The following PHC2 variants were observed in gnomAD, a reference collection of about 807,000 sequenced individuals.
PHC2 encodes the protein polyhomeotic homolog 2.
In PHC2, 29 loss-of-function variants were observed where a neutral mutation model predicts 87.4. That is an observed-to-expected ratio of 0.33 (90% confidence interval 0.25 to 0.45). The LOEUF is 0.45. PHC2 is among the 20% of genes least tolerant of loss of function. PHC2 has a pLI of 1.00. For synonymous variants in PHC2, 438 were observed against 461.7 expected (o/e 0.95, Z 0.66); for missense variants, 857 against 1,136.7 (o/e 0.75, Z 3.54).
At chr1:33,355,405 C>T in intron 7 of PHC2, 152 bp from the exon 8 acceptor site, 1 of 689,094 alleles carries the variant, frequency 1.5e-6, no homozygotes, top group Non-Finnish European at 2.4e-6. Context: ...CTGAGCCTGG[C>T]CTGCTCATTG....
At chr1:33,367,091 G>A (rs369801926) in intron 7 of PHC2, 25 bp downstream of exon 7, 535 of 1,570,782 alleles carry the variant, frequency 3.4e-4, no homozygotes, top group Non-Finnish European at 4.4e-4. Flanking sequence ...TCTGGGAAAG[G>A]ATTCCTGCTT....
intron 9 of PHC2, among the ~76,000 whole-genome samples, chr1:33,343,422 A>G (rs1646784759): frequency 7.6e-6 from 1 of 131,368 alleles, no homozygotes; most frequent in African/African-American, 2.7e-5. Context: ...GTGAGCCGAG[A>G]TTGCACCACT....
chr1:33,370,463 G>C lies in PHC2; in HGVS notation c.534C>G (p.Ala178=), dbSNP rs776576005. ...ACATCTGTGCTTGGCTTGCAGTCAGGGCTGGGGAAGACGTGTTGCCCAAGA... is the reference window on the plus strand; with the variant it reads ...ACATCTGTGCTTGGCTTGCAGTCAGCGCTGGGGAAGACGTGTTGCCCAAGA... The part of the protein sequence containing the change: ...AVLLGNTSSP[A]LTASQAQMYL... Residue 178 remains alanine (A), a synonymous_variant, in exon 5 of 15, where the codon GCC becomes GCG. Coordinates refer to ENST00000683057, the MANE Select transcript of PHC2 (RefSeq NM_001385109.1). 1.5e-5 allele frequency: 25 copies of C among 1,613,984 alleles called. No individual in the cohort carries two copies. The highest frequency in any genetic ancestry group is 3.4e-6 in the Non-Finnish European group (4 of 1,180,012).
intron 1 of PHC2, among the ~76,000 whole-genome samples, chr1:33,391,554 G>T (rs1649053309): frequency 6.6e-6 from 1 of 151,782 alleles, no homozygotes; most frequent in Non-Finnish European, 1.5e-5. Context: ...TTGGTTATTG[G>T]CACATACTCT....
chr1:33,408,002 G>C (rs1175348724), intron 1 of PHC2, among the ~76,000 whole-genome samples: 1 of 152,194 alleles, frequency 6.6e-6, no homozygotes, highest in African/African-American at 2.4e-5. Flanking sequence ...AAGAGGCTTT[G>C]AATGGTGAGT....
rs1646332034 is a variant in PHC2, at chr1:33,324,643, A to G, written c.*222T>C. On this transcript the variant is annotated 3_prime_UTR_variant, in exon 15 of 15. Coordinates refer to ENST00000683057, the MANE Select transcript of PHC2 (RefSeq NM_001385109.1). Reference sequence around the variant, plus strand: ...CAGTGCTATCAATATTTACAAGCATAAAGCCCCATCTTCTGTGCCACCTAC... The same window carrying G: ...CAGTGCTATCAATATTTACAAGCATGAAGCCCCATCTTCTGTGCCACCTAC... 1.1e-5 allele frequency: 5 copies of G among 470,542 alleles called. No homozygotes were observed. The highest frequency in any genetic ancestry group is 2.0e-5 in the African/African-American group (1 of 51,050). The allele number at this position is 470,542 out of a possible 1,614,324, so 29.1% of individuals were successfully genotyped here.
chr1:33,372,314 A>T lies in PHC2; in HGVS notation c.308T>A (p.Leu103His). The change falls in exon 3 of 15, where the codon CTC (leucine) becomes CAC (histidine). Residue 103 changes from leucine to histidine, a missense_variant. By Grantham distance (99) the Leu-to-His change is moderately conservative (BLOSUM62 -3). Transcript: ENST00000683057. ...CTGCTGTACGGCTGCCAGGCTCTGG[A>T]GCTGGGCGCTGCTGAGGTGCTGCTG... The part of the protein sequence containing the change: ...LQQQHLSSAQ[L>H]QSLAAVQQAS... 6.3e-7 allele frequency: 1 copy of T among 1,588,100 alleles called. No individual in the cohort carries two copies. The highest frequency in any genetic ancestry group is 2.3e-5 in the East Asian group (1 of 43,816).
At position 33,353,794 on chromosome 1, in the gene PHC2, C is replaced by T. The variant is rs548976194; in HGVS notation, c.1558+607G>A. On this transcript the variant is annotated intron_variant, in intron 9 of 14. Coordinates refer to ENST00000683057, the MANE Select transcript of PHC2 (RefSeq NM_001385109.1). ...GAAGCAAATAGATCTTTGCAGAAGG[C>T]GGAGGTACTGCTGTGCCTCTCCCAT... Among the ~76,000 whole-genome samples the T allele has an allele frequency of 4.6e-5, 7 of 152,246 alleles. No individual in the cohort carries two copies. The South Asian group carries it at 8.3e-4, about 18-fold the overall frequency.
chr1:33,355,256 G>C lies in PHC2; in HGVS notation c.977-3C>G. On this transcript the variant is annotated splice_polypyrimidine_tract_variant and splice_region_variant and intron_variant, in intron 7 of 14. Coordinates refer to ENST00000683057, the MANE Select transcript of PHC2 (RefSeq NM_001385109.1). ...GTGTGGCTGCAGCTGAGCATAGGCT[G>C]AAAGGGGAAAGGCCAGGTTAGAGAG... 8 of 1,558,830 alleles carry C rather than the reference G, an allele frequency of 5.1e-6. No homozygotes were observed. Among genetic ancestry groups the C allele is most frequent in the Non-Finnish European group, 7.0e-6 (8 of 1,149,850 alleles).
At chr1:33,425,126 A>T (rs1650615509) in intron 1 of PHC2, among the ~76,000 whole-genome samples, 1 of 152,244 alleles carries the variant, frequency 6.6e-6, no homozygotes, top group Admixed American at 6.5e-5. Flanking sequence ...TATTGAACCA[A>T]GTATCTTTGG....
chr1:33,363,826 C>G (rs1647276437), intron 7 of PHC2: 1 of 985,090 alleles, frequency 1.0e-6, no homozygotes, highest in Non-Finnish European at 1.2e-6. Flanking sequence ...CTGTGGCCCA[C>G]TCCCTTAGGA....
chr1:33,379,302 C>CCCCCCCCCCCCCCCACTGCCCCCCTG (rs1648346042), intron 1 of PHC2, among the ~76,000 whole-genome samples: 2 of 51,022 alleles, frequency 3.9e-5, no homozygotes, highest in Non-Finnish European at 7.9e-5. Context: ...CGCCCCCCTG[C>CCCCCCCCCCCCCCCACTGCCCCCCTG]CCCCCCACCC....
chr1:33,385,565 A>T lies in PHC2; in HGVS notation c.-54-9972T>A, dbSNP rs1418884424. The stretch of plus-strand genomic sequence containing the variant: ...CATTTAAAACATCCAGCACAGCTTA[A>T]GCATGGATTACAAAGAGAGTACATT... On this transcript the variant is annotated intron_variant, in intron 1 of 14. Coordinates refer to ENST00000683057, the MANE Select transcript of PHC2 (RefSeq NM_001385109.1). Among the ~76,000 whole-genome samples the T allele has an allele frequency of 5.3e-5, 8 of 152,346 alleles. No homozygotes were observed. In the East Asian group the frequency reaches 1.5e-3, roughly 29 times the overall value.
chr1:33,396,351 G>T (rs749129198), intron 1 of PHC2, among the ~76,000 whole-genome samples: 1 of 152,154 alleles, frequency 6.6e-6, no homozygotes, highest in African/African-American at 2.4e-5. Flanking sequence ...AACGGGGTGG[G>T]GAAGGGTGAG....
At chr1:33,328,297 G>A (rs1428033195) in intron 14 of PHC2, among the ~76,000 whole-genome samples, 1 of 151,878 alleles carries the variant, frequency 6.6e-6, no homozygotes, top group African/African-American at 2.4e-5. Flanking sequence ...GCCTCTGCAT[G>A]TGCGCCCTCT....
chr1:33,411,348 T>C (rs574019797), intron 1 of PHC2, among the ~76,000 whole-genome samples: 1 of 152,242 alleles, frequency 6.6e-6, no homozygotes, highest in South Asian at 2.1e-4. Context: ...AGTCTTTAAA[T>C]TGAGAGACAA....
intron 1 of PHC2, among the ~76,000 whole-genome samples, chr1:33,411,392 T>G (rs1262073418): frequency 1.3e-5 from 2 of 151,692 alleles, no homozygotes; most frequent in African/African-American, 4.8e-5. Context: ...TAAACTACCT[T>G]AAGATACTGC....
rs150103122 is a variant in PHC2 at position 33,425,133 on chromosome 1, T to C, written c.-55+5843A>G. 3.2e-3 allele frequency among the ~76,000 whole-genome samples: 482 copies of C among 152,312 alleles called. 3 individuals are homozygous for C. Among genetic ancestry groups the C allele is most frequent in the African/African-American group, 0.011 (455 of 41,564 alleles). ...GATTTTATTATTGAACCAAGTATCT[T>C]TGGACTAGGGGTGCTCACTGTATAA... On this transcript the variant is annotated intron_variant, in intron 1 of 14. Transcript: ENST00000683057.
chr1:33,333,416 G>A (rs528916411), intron 10 of PHC2: 1 of 152,410 alleles, frequency 6.6e-6, no homozygotes, highest in Non-Finnish European at 1.5e-5. Context: ...GCTGGCTCTG[G>A]GCTCCTCCAC....
Sources: allele counts gnomAD v4.1 joint callset (sites outside exome capture counted in the v4.1 genomes callset), GRCh38; gene constraint gnomAD v4.1.1; transcripts MANE v1.5; gene names NCBI Gene and HGNC (gene_info 2026-07-23, HGNC 2026-07-21).